The following SRFBP1 variants were observed in gnomAD, a reference collection of about 807,000 sequenced individuals.
The protein encoded by SRFBP1 is serum response factor-binding protein 1.
SRFBP1 carries 47 observed loss-of-function variants against 45.5 expected under a neutral mutation model. The observed-to-expected ratio is 1.03, with a 90% confidence interval of 0.82 to 1.32. The LOEUF is 1.32. Among genes scored for constraint, SRFBP1 ranks in the 40% most tolerant of loss-of-function variants. The probability of loss-of-function intolerance (pLI) is 0.00; values close to 1 mark genes in which losing one functional copy is unlikely to be tolerated. For missense variants in SRFBP1, 621 were observed against 484.6 expected, an observed-to-expected ratio of 1.28 and a Z score of -2.64; for synonymous variants, 203 against 166.3, an observed-to-expected ratio of 1.22 and a Z score of -1.70.
chr5:122,060,142 A>G (rs1754147728), intron 2 of SRFBP1, among the ~76,000 whole-genome samples: 1 of 152,058 alleles, frequency 6.6e-6, no homozygotes, highest in Admixed American at 6.6e-5. Context: ...GGAGGAAAGT[A>G]ATATGGAAGT....
At chr5:122,067,600 G>A (rs1754333300) in intron 2 of SRFBP1, among the ~76,000 whole-genome samples, 2 of 152,210 alleles carry the variant, frequency 1.3e-5, no homozygotes, top group African/African-American at 4.8e-5. Flanking sequence ...TGCTCAAAAA[G>A]CTTCAGCCTC....
chr5:122,005,716 A>G (rs1024436004), intron 4 of SRFBP1, among the ~76,000 whole-genome samples: 2 of 152,016 alleles, frequency 1.3e-5, no homozygotes, highest in African/African-American at 4.8e-5. Context: ...GCTGTTTTGT[A>G]GCTCCTTTGT....
intron 4 of SRFBP1, among the ~76,000 whole-genome samples, chr5:122,009,784 A>G (rs1042378883): frequency 1.3e-5 from 2 of 151,922 alleles, no homozygotes; most frequent in African/African-American, 4.8e-5. Flanking sequence ...TTCTGCAGTA[A>G]TGGCAAGGAT....
chr5:122,034,825 G>A (rs937072039), intron 2 of SRFBP1, among the ~76,000 whole-genome samples: 1 of 151,176 alleles, frequency 6.6e-6, no homozygotes, highest in African/African-American at 2.4e-5. Context: ...ATGTTTAAAA[G>A]TTTTTCTGTA....
intron 2 of SRFBP1, among the ~76,000 whole-genome samples, chr5:122,060,521 G>C (rs1754153600): frequency 2.0e-5 from 3 of 151,960 alleles, no homozygotes; most frequent in Admixed American, 2.0e-4. Flanking sequence ...CAATTGACTT[G>C]ATTTGTATCA....
intron 7 of SRFBP1, among the ~76,000 whole-genome samples, chr5:122,024,346 A>G (rs1485076642): frequency 6.6e-6 from 1 of 152,150 alleles, no homozygotes; most frequent in Non-Finnish European, 1.5e-5. Flanking sequence ...TGCTAAGCCA[A>G]TGCCAAATTT....
chr5:122,011,127 A>G (rs1753083774), intron 4 of SRFBP1, among the ~76,000 whole-genome samples: 1 of 152,164 alleles, frequency 6.6e-6, no homozygotes, highest in Non-Finnish European at 1.5e-5. Flanking sequence ...TACTGCTACT[A>G]GCATTCTACC....
In SRFBP1 at chr5:122,020,578, C is replaced by CGGT; in HGVS notation, c.845_847dup (p.Gly282dup). ...CTTCCATGTCTGAAGATAGTGATAG[C>CGGT]GGTGACGACTTCTTCATTGGGAAAG... On this transcript the variant is annotated inframe_insertion, in exon 6 of 8. Coordinates refer to ENST00000339397, the MANE Select transcript of SRFBP1 (RefSeq NM_152546.3). 6.2e-7 allele frequency: 1 copy of CGGT among 1,613,890 alleles called. No homozygotes were observed.
intron 3 of SRFBP1, among the ~76,000 whole-genome samples, chr5:121,988,790 C>T (rs2112668311): frequency 6.6e-6 from 1 of 152,304 alleles, no homozygotes; most frequent in Middle Eastern, 3.4e-3. Context: ...AAGGTCCAGT[C>T]CTGATGACAG....
At chr5:122,002,991 C>A (rs964367272) in intron 4 of SRFBP1, among the ~76,000 whole-genome samples, 1 of 152,222 alleles carries the variant, frequency 6.6e-6, no homozygotes, top group South Asian at 2.1e-4. Context: ...AGAAAAGCAA[C>A]ACCAAAGTTA....
downstream of SRFBP1, among the ~76,000 whole-genome samples, chr5:122,033,547 G>C (rs1753625491): frequency 6.6e-6 from 1 of 151,474 alleles, no homozygotes; most frequent in Admixed American, 6.6e-5. Context: ...TGCAACCTCT[G>C]CCTCTCAGGT....
At chr5:122,032,966 G>GTTT (rs1472001288), downstream of SRFBP1, among the ~76,000 whole-genome samples, 1 of 151,864 alleles carries the variant, frequency 6.6e-6, no homozygotes, top group East Asian at 1.9e-4. Context: ...TTGTTTGTTT[G>GTTT]TTTTGAGATG....
intron 4 of SRFBP1, among the ~76,000 whole-genome samples, chr5:121,996,314 CATG>C (rs1561584823): frequency 2.2e-5 from 1 of 44,794 alleles, no homozygotes; most frequent in Non-Finnish European, 4.4e-5. Flanking sequence ...GCTTATCCAC[CATG>C]ATCAAGTGGG....
downstream of SRFBP1, among the ~76,000 whole-genome samples, chr5:122,033,038 C>G (rs576934521): frequency 6.6e-6 from 1 of 151,908 alleles, no homozygotes; most frequent in African/African-American, 2.4e-5. Context: ...AGAAATATTA[C>G]CTCTATGTAA....
chr5:122,012,330 TAGAA>T (rs1390699226), intron 4 of SRFBP1, among the ~76,000 whole-genome samples: 1 of 152,078 alleles, frequency 6.6e-6, no homozygotes, highest in African/African-American at 2.4e-5. Context: ...GACTTTCTCT[TAGAA>T]AGAATAAAAA....
At chr5:122,034,260 A>G (rs374401545) in intron 2 of SRFBP1, among the ~76,000 whole-genome samples, 2 of 152,274 alleles carry the variant, frequency 1.3e-5, no homozygotes, top group East Asian at 3.9e-4. Flanking sequence ...TAAGATGAAT[A>G]TGTTTGCTGT....
chr5:122,008,776 T>C (rs1753028640), intron 4 of SRFBP1, among the ~76,000 whole-genome samples: 1 of 152,184 alleles, frequency 6.6e-6, no homozygotes, highest in African/African-American at 2.4e-5. Flanking sequence ...TGTTACACAT[T>C]TCTTTTAGGG....
rs142555856 is a variant in SRFBP1 at position 121,979,583 on chromosome 5, A to G, written c.198+4196A>G. Among the ~76,000 whole-genome samples, 8 of 152,346 alleles carry G rather than the reference A, an allele frequency of 5.3e-5. 1 individual carries two copies. The East Asian group carries it at 1.5e-3, about 29-fold the overall frequency. On this transcript the variant is annotated intron_variant, in intron 3 of 7. Coordinates refer to ENST00000339397, the MANE Select transcript of SRFBP1 (RefSeq NM_152546.3). ...TTCTGAGAGTTTTATTTGTGAGCCA[A>G]TACAAATAATCGTGTTATCAAATCA...
intron 4 of SRFBP1, among the ~76,000 whole-genome samples, chr5:122,003,975 C>T (rs1240033241): frequency 6.6e-6 from 1 of 152,096 alleles, no homozygotes; most frequent in Non-Finnish European, 1.5e-5. Context: ...CGCTCTGTCA[C>T]CCACACTGGA....
Sources: allele counts gnomAD v4.1 joint callset (sites outside exome capture counted in the v4.1 genomes callset), GRCh38; gene constraint gnomAD v4.1.1; transcripts MANE v1.5; gene names NCBI Gene and HGNC (gene_info 2026-07-23, HGNC 2026-07-21).